CHSY3: variants seen among roughly 807,000 people sequenced by gnomAD.
CHSY3 encodes the protein N-acetylgalactosaminyl-proteoglycan 3-beta-glucuronosyltransferase 3.
Under a neutral mutation model 67.2 loss-of-function variants are expected in CHSY3, and 35 were observed. That is an observed-to-expected ratio of 0.52 (90% CI 0.40 to 0.69). The LOEUF is 0.69. Among genes scored for constraint, CHSY3 ranks in the 30% least tolerant of loss-of-function variants. CHSY3 has a pLI of 0.00. For synonymous variants in CHSY3, 474 were observed against 434.7 expected, an observed-to-expected ratio of 1.09 and a Z score of -1.12; for missense variants, 1,069 against 1,138.5, an observed-to-expected ratio of 0.94 and a Z score of 0.88.
chr5:129,910,143 A>T (rs968528918), intron 2 of CHSY3, among the ~76,000 whole-genome samples: 3 of 151,978 alleles, frequency 2.0e-5, no homozygotes, highest in African/African-American at 7.2e-5. Flanking sequence ...TATATTATAG[A>T]TGTGCACCCT....
intron 2 of CHSY3, among the ~76,000 whole-genome samples, chr5:130,100,396 C>T (rs550634972): frequency 4.7e-4 from 70 of 150,176 alleles, no homozygotes; most frequent in Non-Finnish European, 7.1e-4. Flanking sequence ...GGGCTTTCAC[C>T]GTGTTAGCCA....
At chr5:130,080,641 C>T (rs1766416307) in intron 2 of CHSY3, among the ~76,000 whole-genome samples, 1 of 152,046 alleles carries the variant, frequency 6.6e-6, no homozygotes, top group Non-Finnish European at 1.5e-5. Context: ...AAAAGACTAT[C>T]TTCATTGCTT....
chr5:130,071,035 TAGAC>T (rs994655246), intron 2 of CHSY3, among the ~76,000 whole-genome samples: 89 of 152,138 alleles, frequency 5.8e-4, no homozygotes, highest in African/African-American at 2.0e-3. Flanking sequence ...ATTAGATAGA[TAGAC>T]AGAGAGACGG....
chr5:129,998,138 C>G (rs1340670049), intron 2 of CHSY3, among the ~76,000 whole-genome samples: 1 of 152,154 alleles, frequency 6.6e-6, no homozygotes, highest in Non-Finnish European at 1.5e-5. Context: ...AGTGTAAAAG[C>G]ATTCCTATTT....
chr5:129,995,533 G>T (rs1763512468), intron 2 of CHSY3, among the ~76,000 whole-genome samples: 1 of 148,314 alleles, frequency 6.7e-6, no homozygotes, highest in Admixed American at 6.8e-5. Flanking sequence ...TTCTGAGACA[G>T]AGTCTCACTC....
chr5:130,105,430 C>A (rs954815719), intron 2 of CHSY3, among the ~76,000 whole-genome samples: 1 of 151,582 alleles, frequency 6.6e-6, no homozygotes, highest in African/African-American at 2.4e-5. Context: ...CTGAGTCAAT[C>A]CAGATCCAAC....
At chr5:129,978,229 C>T (rs1037045804) in intron 2 of CHSY3, among the ~76,000 whole-genome samples, 1 of 152,134 alleles carries the variant, frequency 6.6e-6, no homozygotes. Context: ...GGTCACAATT[C>T]GCTTCCAGTG....
rs1235724208 is a variant in CHSY3, at chr5:130,160,895, ATTTTTTTTTT to A, written c.1087-23330_1087-23321del. Among the ~76,000 whole-genome samples the A allele has an allele frequency of 1.6e-3, 232 of 142,486 alleles. 2 individuals carry two copies. Among genetic ancestry groups the A allele is most frequent in the African/African-American group, 5.8e-3 (216 of 37,102 alleles). 93.5% of individuals were successfully genotyped at this position (142,486 alleles called of 152,430 possible). A position where few individuals can be genotyped will look rare whatever the true frequency, so the allele number is the denominator to read the frequency against. On this transcript the variant is annotated intron_variant, in intron 2 of 2. Coordinates refer to ENST00000305031, the MANE Select transcript of CHSY3 (RefSeq NM_175856.5). ...ACTGATCATTTTTATTTATTTATTT[ATTTTTTTTTT>A]TTTATTTTTTTTTTTTTGAGACGGA...
At chr5:129,926,081 G>T (rs1761099705) in intron 2 of CHSY3, among the ~76,000 whole-genome samples, 1 of 151,954 alleles carries the variant, frequency 6.6e-6, no homozygotes, top group Non-Finnish European at 1.5e-5. Flanking sequence ...GCCCTTGAAT[G>T]CAATATATTC....
chr5:129,939,525 T>C (rs1046874044), intron 2 of CHSY3, among the ~76,000 whole-genome samples: 95 of 152,344 alleles, frequency 6.2e-4, no homozygotes, highest in African/African-American at 2.1e-3. Context: ...TCAGGTACTA[T>C]GTTTTATGTA....
intron 2 of CHSY3, among the ~76,000 whole-genome samples, chr5:130,093,366 A>G (rs1300619289): frequency 1.3e-5 from 2 of 152,364 alleles, no homozygotes; most frequent in Admixed American, 1.3e-4. Flanking sequence ...TTTGAATGAT[A>G]TAACCACATT....
At position 129,904,717 on chromosome 5, in the gene CHSY3, C is replaced by A. The variant is rs982620966; in HGVS notation, c.-113C>A. On this transcript the variant is annotated 5_prime_UTR_variant, in exon 1 of 3. Coordinates refer to ENST00000305031, the MANE Select transcript of CHSY3 (RefSeq NM_175856.5). ...CAGCCGGTGTCGGCGCCTAGGCGGC[C>A]GGCTGCGGCCGCGGCTGGGGGCGCA... 4.1e-6 allele frequency: 5 copies of A among 1,223,376 alleles called. No individual in the cohort carries two copies. Among genetic ancestry groups the A allele is most frequent in the Non-Finnish European group, 5.1e-6 (5 of 982,914 alleles). The allele number at this position is 1,223,376 out of a possible 1,614,324, so 75.8% of individuals were successfully genotyped here.
At chr5:130,143,756 ATGTGTGTG>A (rs1172129222) in intron 2 of CHSY3, among the ~76,000 whole-genome samples, 12 of 101,918 alleles carry the variant, frequency 1.2e-4, no homozygotes, top group African/African-American at 4.8e-4. Context: ...ATATATATAT[ATGTGTGTG>A]TGTGTATATA....
intron 2 of CHSY3, among the ~76,000 whole-genome samples, chr5:130,003,884 C>T (rs569919817): frequency 3.3e-5 from 5 of 152,222 alleles, no homozygotes; most frequent in African/African-American, 9.6e-5. Context: ...AAATCCAACC[C>T]TTGTGATGTC....
At chr5:130,015,167 C>T (rs1204463666) in intron 2 of CHSY3, among the ~76,000 whole-genome samples, 2 of 151,994 alleles carry the variant, frequency 1.3e-5, no homozygotes, top group Non-Finnish European at 2.9e-5. Flanking sequence ...GTGGCACTTC[C>T]CCCTTCACTT....
At chr5:130,096,266 G>A (rs777653046) in intron 2 of CHSY3, among the ~76,000 whole-genome samples, 5 of 152,090 alleles carry the variant, frequency 3.3e-5, no homozygotes, top group Non-Finnish European at 7.4e-5. Context: ...TCCTTCTCCC[G>A]GGTTCAAGCA....
chr5:129,997,923 G>A (rs1040478313), intron 2 of CHSY3, among the ~76,000 whole-genome samples: 3 of 152,130 alleles, frequency 2.0e-5, no homozygotes, highest in Non-Finnish European at 4.4e-5. Flanking sequence ...TGGACATTTG[G>A]GTTGGTTCCA....
intron 2 of CHSY3, among the ~76,000 whole-genome samples, chr5:130,159,161 CTTTTTTTTT>C (rs33919002): frequency 1.0e-5 from 1 of 98,706 alleles, no homozygotes; most frequent in African/African-American, 3.8e-5. Context: ...TAAGATTTGT[CTTTTTTTTT>C]TTTTTTTTTT....
intron 2 of CHSY3, among the ~76,000 whole-genome samples, chr5:129,984,638 C>G (rs907459168): frequency 4.6e-5 from 7 of 152,130 alleles, no homozygotes; most frequent in Admixed American, 2.6e-4. Context: ...TTACATTACC[C>G]CAGAACTGTA....
Sources: allele counts gnomAD v4.1 joint callset (sites outside exome capture counted in the v4.1 genomes callset), GRCh38; gene constraint gnomAD v4.1.1; transcripts MANE v1.5; gene names NCBI Gene and HGNC (gene_info 2026-07-23, HGNC 2026-07-21).